MTUS2: variants seen among roughly 807,000 people sequenced by gnomAD.
The protein encoded by MTUS2 is microtubule associated scaffold protein 2, also known as microtubule-associated tumor suppressor candidate 2.
A neutral mutation model predicts 114.1 loss-of-function variants in MTUS2; 40 were observed. That is an observed-to-expected ratio of 0.35 (90% CI 0.27 to 0.46). The LOEUF (loss-of-function observed/expected upper bound fraction) is 0.46, where lower values mean the gene tolerates loss of function less well. Ranked by LOEUF, MTUS2 falls within the 20% of genes least tolerant of loss-of-function variation. MTUS2 has a pLI of 1.00. For missense variants in MTUS2, 1,679 were observed against 1,705.4 expected (o/e 0.98, Z 0.27); for synonymous variants, 688 against 672.0 (o/e 1.02, Z -0.37).
At chr13:29,203,394 G>A (rs1895042108) in intron 5 of MTUS2, among the ~76,000 whole-genome samples, 1 of 152,152 alleles carries the variant, frequency 6.6e-6, no homozygotes, top group African/African-American at 2.4e-5. Context: ...ATTGACTTCA[G>A]ACTGCTGTGC....
intron 5 of MTUS2, among the ~76,000 whole-genome samples, chr13:29,176,468 C>T (rs1214296622): frequency 6.6e-6 from 1 of 152,148 alleles, no homozygotes; most frequent in African/African-American, 2.4e-5. Flanking sequence ...AGAGCCTGTC[C>T]AGGGTCTTAG....
intron 2 of MTUS2, among the ~76,000 whole-genome samples, chr13:28,901,785 A>G (rs1281097968): frequency 6.6e-6 from 1 of 152,212 alleles, no homozygotes; most frequent in Non-Finnish European, 1.5e-5. Context: ...CTTAATAGAT[A>G]GAGTAGTTCT....
chr13:28,930,821 A>G (rs911852152), intron 2 of MTUS2, among the ~76,000 whole-genome samples: 5 of 152,194 alleles, frequency 3.3e-5, no homozygotes, highest in Non-Finnish European at 5.9e-5. Context: ...GGACATTCCT[A>G]TTAGTAACCC....
intron 5 of MTUS2, among the ~76,000 whole-genome samples, chr13:29,227,023 T>C (rs1042237858): frequency 2.6e-5 from 4 of 152,144 alleles, no homozygotes; most frequent in African/African-American, 4.8e-5. Context: ...TTTGGGAGGC[T>C]GAGGCAGGTG....
chr13:29,260,534 A>T (rs961792240), intron 5 of MTUS2, among the ~76,000 whole-genome samples: 4 of 152,250 alleles, frequency 2.6e-5, no homozygotes, highest in African/African-American at 9.6e-5. Context: ...CACACAAAAG[A>T]ATTTACAGCC....
chr13:28,876,530 C>T (rs915100739), intron 2 of MTUS2, among the ~76,000 whole-genome samples: 1 of 152,152 alleles, frequency 6.6e-6, no homozygotes, highest in Non-Finnish European at 1.5e-5. Context: ...CTCAACACAC[C>T]GTCTAGAAGA....
At chr13:29,220,853 C>T (rs1895878433) in intron 5 of MTUS2, among the ~76,000 whole-genome samples, 2 of 152,182 alleles carry the variant, frequency 1.3e-5, no homozygotes, top group African/African-American at 4.8e-5. Context: ...CGCAGACCTT[C>T]AACTTGTAAA....
At chr13:29,429,667 T>C (rs911851854) in intron 8 of MTUS2, among the ~76,000 whole-genome samples, 9 of 152,254 alleles carry the variant, frequency 5.9e-5, no homozygotes, top group African/African-American at 2.2e-4. Context: ...AGAACTCTTG[T>C]CTCTGTGAGA....
In MTUS2 at chr13:29,236,140, A is replaced by G. The variant is rs547151126; in HGVS notation, c.2645-45564A>G. Reference sequence around the variant, plus strand: ...TAATCTACTCTTTCTCCTCTAATTTATTGTTATTTTTTATCTTTAAATCCA... The same window carrying G: ...TAATCTACTCTTTCTCCTCTAATTTGTTGTTATTTTTTATCTTTAAATCCA... On this transcript the variant is annotated intron_variant, in intron 5 of 15. Transcript: ENST00000612955. Among the ~76,000 whole-genome samples the G allele has an allele frequency of 7.9e-5, 12 of 151,956 alleles. No individual in the cohort carries two copies. The East Asian group carries it at 2.3e-3, about 29-fold the overall frequency.
Position 29,451,074 on chromosome 13 carries a change from C to T in MTUS2, c.3184+11025C>T, listed in dbSNP as rs118004018. ...AGTCAGCTGTAGAAGACCTGAACAA[C>T]GCTATCTTCCAACTTGACCTTACTG... On this transcript the variant is annotated intron_variant, in intron 9 of 15. Transcript: ENST00000612955. Among the ~76,000 whole-genome samples, 1,298 of 152,276 alleles carry T rather than the reference C, an allele frequency of 8.5e-3. 6 individuals carry two copies. The highest frequency in any genetic ancestry group is 0.037 in the Middle Eastern group (11 of 294).
intron 2 of MTUS2, among the ~76,000 whole-genome samples, chr13:28,971,927 G>T (rs185246994): frequency 1.2e-3 from 183 of 152,322 alleles, no homozygotes; most frequent in African/African-American, 4.1e-3. Context: ...TTCATGTGCT[G>T]CATGCAAACA....
chr13:29,384,783 C>T (rs989462242), intron 8 of MTUS2, among the ~76,000 whole-genome samples: 4 of 152,194 alleles, frequency 2.6e-5, no homozygotes, highest in African/African-American at 9.7e-5. Flanking sequence ...TGGCAGCCCC[C>T]AGCCTGGGAC....
At position 29,317,640 on chromosome 13, in the gene MTUS2, T is replaced by A. The variant is rs1403263045; in HGVS notation, c.2807-6973T>A. On this transcript the variant is annotated intron_variant, in intron 6 of 15. Transcript: ENST00000612955. Reference sequence around the variant, plus strand: ...TTTTTAGTAGAGACGGGGTTTCACCTTGTTAGCCAGGATGGTCTCCATCTC... The same window carrying A: ...TTTTTAGTAGAGACGGGGTTTCACCATGTTAGCCAGGATGGTCTCCATCTC... 2.2e-4 allele frequency among the ~76,000 whole-genome samples: 3 copies of A among 13,558 alleles called. 1 individual carries two copies. Among genetic ancestry groups the A allele is most frequent in the African/African-American group, 4.4e-4 (3 of 6,878 alleles). The allele number at this position is 13,558 out of a possible 152,430, so 8.9% of individuals were successfully genotyped here.
chr13:29,235,947 G>T (rs780279355), intron 5 of MTUS2, among the ~76,000 whole-genome samples: 1 of 151,994 alleles, frequency 6.6e-6, no homozygotes, highest in Non-Finnish European at 1.5e-5. Flanking sequence ...ACAAAATTAC[G>T]CATTTCACTC....
rs551164686 is a variant in MTUS2, at chr13:29,269,997, A to G, written c.2645-11707A>G. Among the ~76,000 whole-genome samples the G allele has an allele frequency of 6.6e-5, 10 of 152,268 alleles. No homozygotes were observed. In the East Asian group the frequency reaches 1.9e-3, roughly 29 times the overall value. ...GTGATCTCAACTACATGGGGTATCT[A>G]AAAAGGTCAAACTCATAGAAGCAGA... On this transcript the variant is annotated intron_variant, in intron 5 of 15. Coordinates refer to ENST00000612955, the MANE Select transcript of MTUS2 (RefSeq NM_001033602.4).
chr13:29,443,802 T>G (rs563238192), intron 9 of MTUS2, among the ~76,000 whole-genome samples: 2 of 152,288 alleles, frequency 1.3e-5, no homozygotes, highest in East Asian at 3.9e-4. Flanking sequence ...TCCCTTCCCC[T>G]TAGCACCAGT....
chr13:29,222,864 G>T (rs1464995571), intron 5 of MTUS2, among the ~76,000 whole-genome samples: 1 of 152,208 alleles, frequency 6.6e-6, no homozygotes, highest in Non-Finnish European at 1.5e-5. Context: ...AATCCCCAGT[G>T]CTGTCACAAC....
Position 29,133,728 on chromosome 13 carries a change from A to G in MTUS2, c.2644+32758A>G, listed in dbSNP as rs1301031101. 2.6e-5 allele frequency among the ~76,000 whole-genome samples: 4 copies of G among 152,350 alleles called. 1 individual carries two copies. The highest frequency in any genetic ancestry group is 2.6e-4 in the Admixed American group (4 of 15,306). ...GTCTGTATGTCTATCTTTTTGCAGTACCACACTGATTTGATTACTGGGGAT... is the reference window on the plus strand; with the variant it reads ...GTCTGTATGTCTATCTTTTTGCAGTGCCACACTGATTTGATTACTGGGGAT... On this transcript the variant is annotated intron_variant, in intron 5 of 15. Transcript: ENST00000612955.
chr13:29,225,835 G>A (rs552041305), intron 5 of MTUS2, among the ~76,000 whole-genome samples: 80 of 152,220 alleles, frequency 5.3e-4, no homozygotes, highest in African/African-American at 1.8e-3. Flanking sequence ...TATTAGTATT[G>A]TCCTGGGATG....
Sources: allele counts gnomAD v4.1 joint callset (sites outside exome capture counted in the v4.1 genomes callset), GRCh38; gene constraint gnomAD v4.1.1; transcripts MANE v1.5; gene names NCBI Gene and HGNC (gene_info 2026-07-23, HGNC 2026-07-21).